The following PTGR1 variants were observed in gnomAD, a reference collection of about 807,000 sequenced individuals.
PTGR1 encodes 15-oxoprostaglandin 13-reductase.
Under a neutral mutation model 37.7 loss-of-function variants are expected in PTGR1, and 23 were observed. The ratio of observed to expected loss-of-function variants is 0.61; its 90% CI spans 0.44 to 0.86. PTGR1 has a LOEUF of 0.86. PTGR1 is among the 40% of genes least tolerant of loss of function. The pLI is 0.00. For missense variants in PTGR1, 351 were observed against 394.3 expected (o/e 0.89, Z 0.93); for synonymous variants, 134 against 140.0 (o/e 0.96, Z 0.30).
downstream of PTGR1, among the ~76,000 whole-genome samples, chr9:111,560,334 CGTG>C (rs1393074736): frequency 6.6e-6 from 1 of 151,722 alleles, no homozygotes; most frequent in Non-Finnish European, 1.5e-5. Flanking sequence ...ATTAGCCAGG[CGTG>C]GTGGTGGGCG....
At chr9:111,557,361 G>A (rs1828153940) in intron 9 of PTGR1, among the ~76,000 whole-genome samples, 1 of 150,652 alleles carries the variant, frequency 6.6e-6, no homozygotes. Context: ...GCGACAGATC[G>A]AGACTCCATC....
chr9:111,587,356 C>A (rs1042474676), intron 4 of PTGR1, among the ~76,000 whole-genome samples: 1 of 152,088 alleles, frequency 6.6e-6, no homozygotes, highest in African/African-American at 2.4e-5. Flanking sequence ...ACAAAAATAT[C>A]AGTTCTAATC....
At chr9:111,574,604 T>TAA (rs35972893) in intron 8 of PTGR1, 130 bp downstream of exon 8, 1,772 of 488,660 alleles carry the variant, frequency 3.6e-3, no homozygotes, top group South Asian at 9.4e-3. Flanking sequence ...GACTCTGTCT[T>TAA]AAAAAAAAAA....
chr9:111,586,885 A>G (rs1829448662), intron 4 of PTGR1, among the ~76,000 whole-genome samples: 1 of 147,004 alleles, frequency 6.8e-6, no homozygotes, highest in Non-Finnish European at 1.5e-5. Flanking sequence ...CAGTGGTGTG[A>G]TTTCAGCTCA....
At chr9:111,568,933 C>T (rs1212674337) in intron 9 of PTGR1, among the ~76,000 whole-genome samples, 1 of 152,044 alleles carries the variant, frequency 6.6e-6, no homozygotes, top group Non-Finnish European at 1.5e-5. Flanking sequence ...GATAGAACCA[C>T]CAGAATCTCC....
intron 9 of PTGR1, among the ~76,000 whole-genome samples, chr9:111,550,680 C>G (rs952953002): frequency 6.6e-6 from 1 of 152,184 alleles, no homozygotes; most frequent in Non-Finnish European, 1.5e-5. Flanking sequence ...TTGATTTTTC[C>G]TGCTTTCTTG....
intron 9 of PTGR1, among the ~76,000 whole-genome samples, chr9:111,551,888 CAATAT>C (rs374553345): frequency 2.1e-4 from 32 of 152,286 alleles, no homozygotes; most frequent in South Asian, 4.1e-4. Flanking sequence ...TTTATCAATA[CAATAT>C]ATCATTCTTC....
intron 9 of PTGR1, among the ~76,000 whole-genome samples, chr9:111,554,567 T>A (rs769555891): frequency 2.6e-5 from 4 of 152,172 alleles, no homozygotes; most frequent in Non-Finnish European, 4.4e-5. Flanking sequence ...TGTTCTATGT[T>A]TTGTCAGTCT....
At chr9:111,588,282 C>T (rs576508073) in intron 4 of PTGR1, among the ~76,000 whole-genome samples, 16 of 151,662 alleles carry the variant, frequency 1.1e-4, no homozygotes, top group African/African-American at 2.7e-4. Context: ...CTGCAAGCTC[C>T]GCCTCCCCGG....
At chr9:111,571,295 C>T (rs1159269749) in intron 8 of PTGR1, among the ~76,000 whole-genome samples, 1 of 149,458 alleles carries the variant, frequency 6.7e-6, no homozygotes, top group African/African-American at 2.4e-5. Flanking sequence ...GCCTGTAATC[C>T]CAGCTACTCA....
chr9:111,558,310 G>A (rs1171610843), downstream of PTGR1, among the ~76,000 whole-genome samples: 1 of 152,022 alleles, frequency 6.6e-6, no homozygotes, highest in Non-Finnish European at 1.5e-5. Flanking sequence ...TTGTCTAGTG[G>A]GAGCCCTTTC....
intron 4 of PTGR1, chr9:111,589,431 G>GT (rs1197469606): frequency 2.3e-6 from 2 of 857,122 alleles, no homozygotes; most frequent in Non-Finnish European, 2.8e-6. Flanking sequence ...GAGATGTTTG[G>GT]TTTTTTTAAG....
intron 4 of PTGR1, among the ~76,000 whole-genome samples, chr9:111,590,329 C>G (rs938584069): frequency 6.6e-6 from 1 of 151,972 alleles, no homozygotes; most frequent in Non-Finnish European, 1.5e-5. Context: ...ATAAGGGAAA[C>G]AGGTTAATAC....
At chr9:111,573,801 G>T (rs1828937179) in intron 8 of PTGR1, among the ~76,000 whole-genome samples, 1 of 152,146 alleles carries the variant, frequency 6.6e-6, no homozygotes, top group South Asian at 2.1e-4. Context: ...TAATGAATAT[G>T]GTTCTCTGGT....
chr9:111,579,965 A>G (rs1408793845), intron 6 of PTGR1, among the ~76,000 whole-genome samples: 1 of 152,026 alleles, frequency 6.6e-6, no homozygotes, highest in Non-Finnish European at 1.5e-5. Flanking sequence ...TCGAGGAAAA[A>G]CCCCAGTTGG....
chr9:111,588,250 A>ACAG (rs1184878974), intron 4 of PTGR1, among the ~76,000 whole-genome samples: 11 of 146,418 alleles, frequency 7.5e-5, no homozygotes, highest in Admixed American at 6.3e-4. Flanking sequence ...AGGCTGGAGC[A>ACAG]CAGTGGCGTG....
intron 9 of PTGR1, chr9:111,549,835 A>G (rs1158269288): frequency 7.4e-7 from 1 of 1,346,128 alleles, no homozygotes; most frequent in Admixed American, 2.0e-5. Context: ...CTCTTTGAGC[A>G]TCTTTAAGGC....
At chr9:111,573,401 C>G (rs1288641902) in intron 8 of PTGR1, among the ~76,000 whole-genome samples, 1 of 152,208 alleles carries the variant, frequency 6.6e-6, no homozygotes, top group Non-Finnish European at 1.5e-5. Flanking sequence ...TCAGCCCCTT[C>G]CTTTCTAGCC....
At chr9:111,577,171 A>G (rs571597562) in intron 7 of PTGR1, 1 of 152,360 alleles carries the variant, frequency 6.6e-6, no homozygotes, top group East Asian at 1.9e-4. Context: ...TTCTCCAAAG[A>G]AGATATACAA....
Sources: allele counts gnomAD v4.1 joint callset (sites outside exome capture counted in the v4.1 genomes callset), GRCh38; gene constraint gnomAD v4.1.1; transcripts MANE v1.5; gene names NCBI Gene and HGNC (gene_info 2026-07-23, HGNC 2026-07-21).